The following WDPCP variants were observed in gnomAD, a reference collection of about 807,000 sequenced individuals.
The protein encoded by WDPCP is WD repeat-containing and planar cell polarity effector protein fritz homolog.
WDPCP carries 71 observed loss-of-function variants against 93.1 expected under a neutral mutation model. That is an observed-to-expected ratio of 0.76 (90% CI 0.63 to 0.93). WDPCP has a LOEUF of 0.93. WDPCP is among the 40% of genes least tolerant of loss of function. WDPCP has a pLI of 0.00. For missense variants in WDPCP, 844 were observed against 887.4 expected (o/e 0.95, Z 0.62); for synonymous variants, 315 against 315.0 (o/e 1.00, Z 0.00).
intron 12 of WDPCP, among the ~76,000 whole-genome samples, chr2:63,370,022 G>A (rs1437348604): frequency 3.3e-5 from 5 of 152,102 alleles, no homozygotes; most frequent in Non-Finnish European, 7.4e-5. Flanking sequence ...TATGAAAGGG[G>A]CTTTAAGGAA....
intron 16 of WDPCP, 72 bp from the exon 17 acceptor site, chr2:63,153,017 C>T: frequency 1.6e-6 from 2 of 1,248,410 alleles, no homozygotes; most frequent in Admixed American, 1.8e-5. Flanking sequence ...TTTTTTACAA[C>T]ACTAAAAACA....
At chr2:63,617,716 A>G (rs924247976) in intron 3 of WDPCP, among the ~76,000 whole-genome samples, 4 of 152,212 alleles carry the variant, frequency 2.6e-5, no homozygotes, top group Non-Finnish European at 4.4e-5. Context: ...TACCTTTACT[A>G]ATGAAAATTT....
chr2:63,234,068 G>A (rs568443530), intron 14 of WDPCP, among the ~76,000 whole-genome samples: 89 of 152,232 alleles, frequency 5.8e-4, no homozygotes, highest in African/African-American at 2.0e-3. Context: ...TGAGGTGGCC[G>A]TAACCATAAA....
intron 1 of WDPCP, among the ~76,000 whole-genome samples, chr2:63,821,937 A>G (rs1671024615): frequency 6.6e-6 from 1 of 152,154 alleles, no homozygotes; most frequent in Admixed American, 6.5e-5. Flanking sequence ...TTAACATAAG[A>G]CTAAAATATG....
At position 63,433,739 on chromosome 2, in the gene WDPCP, A is replaced by T; in HGVS notation, c.825+6T>A. 1 of 1,609,114 alleles carries T rather than the reference A, an allele frequency of 6.2e-7. No individual in the cohort carries two copies. On this transcript the variant is annotated splice_donor_region_variant and intron_variant, in intron 9 of 17. Transcript: ENST00000272321. ...ATTAAAATGTACATATTTGTTTTAG[A>T]TTTACCTCTAGTCTTCCTTGAGCAT...
At chr2:63,566,618 G>A (rs866058354) in intron 1 of WDPCP, among the ~76,000 whole-genome samples, 12 of 152,176 alleles carry the variant, frequency 7.9e-5, no homozygotes, top group Admixed American at 1.3e-4. Context: ...TCACACTTCT[G>A]ACACCAAATG....
At chr2:63,555,460 C>A (rs541282977) in intron 1 of WDPCP, among the ~76,000 whole-genome samples, 1 of 152,226 alleles carries the variant, frequency 6.6e-6, no homozygotes, top group Non-Finnish European at 1.5e-5. Flanking sequence ...GGATTCCCCC[C>A]AGTGCAGCAC....
chr2:63,233,157 A>T (rs1182084027), intron 14 of WDPCP: 1 of 155,070 alleles, frequency 6.4e-6, no homozygotes, highest in African/African-American at 2.4e-5. Context: ...TTCAAGGACA[A>T]CTACTTTTTT....
intron 1 of WDPCP, among the ~76,000 whole-genome samples, chr2:63,569,509 G>A (rs1575668013): frequency 6.6e-6 from 1 of 152,244 alleles, no homozygotes; most frequent in African/African-American, 2.4e-5. Flanking sequence ...AAATGGGAAA[G>A]CCCAAGGAAG....
At chr2:63,497,886 A>AG (rs1390871385) in intron 1 of WDPCP, among the ~76,000 whole-genome samples, 1 of 152,188 alleles carries the variant, frequency 6.6e-6, no homozygotes, top group Non-Finnish European at 1.5e-5. Flanking sequence ...CATTTTCAGA[A>AG]GGGGGTGCGG....
At chr2:63,223,419 A>G (rs1214300966) in intron 14 of WDPCP, among the ~76,000 whole-genome samples, 1 of 152,198 alleles carries the variant, frequency 6.6e-6, no homozygotes, top group Non-Finnish European at 1.5e-5. Context: ...GCACTCACAA[A>G]CTAGCCATTA....
intron 14 of WDPCP, among the ~76,000 whole-genome samples, chr2:63,247,924 C>T (rs1229249785): frequency 1.3e-5 from 2 of 151,602 alleles, no homozygotes; most frequent in Admixed American, 6.6e-5. Flanking sequence ...TGTACACACT[C>T]GATAGTTATT....
chr2:63,691,861 T>A lies in WDPCP; in HGVS notation n.309-41023A>T, dbSNP rs1457254262. 2.7e-5 allele frequency among the ~76,000 whole-genome samples: 4 copies of A among 148,584 alleles called. No homozygotes were observed. In the East Asian group the frequency reaches 7.7e-4, roughly 29 times the overall value. ...TGATCTATACAAGATTTTTAAAAAT[T>A]ATATACTACAAAGTGTGTGTGTGTG... On this transcript the variant is annotated intron_variant and non_coding_transcript_variant, in intron 2 of 4. Coordinates refer to the WDPCP transcript ENST00000467687.
At chr2:63,559,860 A>G (rs1706453964) in intron 1 of WDPCP, among the ~76,000 whole-genome samples, 2 of 152,220 alleles carry the variant, frequency 1.3e-5, no homozygotes, top group Non-Finnish European at 2.9e-5. Context: ...CATACTGCCC[A>G]AAGTAATTTA....
intron 2 of WDPCP, among the ~76,000 whole-genome samples, chr2:63,753,372 T>C (rs1669911099): frequency 6.6e-6 from 1 of 152,136 alleles, no homozygotes; most frequent in African/African-American, 2.4e-5. Context: ...GAGGTTGCAG[T>C]GAGCCAAGAT....
intron 6 of WDPCP, among the ~76,000 whole-genome samples, chr2:63,453,972 G>C (rs11694619): frequency 1.6e-5 from 2 of 122,790 alleles, no homozygotes; most frequent in Admixed American, 8.8e-5. Flanking sequence ...GGGAGGAGGG[G>C]GTAGGGATAG....
At chr2:63,323,209 T>A (rs922155252) in intron 12 of WDPCP, among the ~76,000 whole-genome samples, 1 of 152,208 alleles carries the variant, frequency 6.6e-6, no homozygotes, top group Non-Finnish European at 1.5e-5. Context: ...CATTGCCCCC[T>A]GGGTCCTAAC....
intron 2 of WDPCP, among the ~76,000 whole-genome samples, chr2:63,773,876 C>G (rs369557481): frequency 1.3e-5 from 2 of 152,114 alleles, no homozygotes; most frequent in South Asian, 2.1e-4. Context: ...TTGGCTGACT[C>G]TGAGCACACT....
rs1245049941 is a variant in WDPCP at position 63,566,321 on chromosome 2, G to A, written c.75+21876C>T. ...GGAAAAGCTAATTAGAAACTCAAAA[G>A]AATGTAACCATTTGTGTCTCACCTA... On this transcript the variant is annotated intron_variant, in intron 1 of 17. Coordinates refer to ENST00000272321, the MANE Select transcript of WDPCP (RefSeq NM_015910.7). Among the ~76,000 whole-genome samples the A allele has an allele frequency of 3.3e-5, 5 of 152,306 alleles. 1 individual carries two copies. The highest frequency in any genetic ancestry group is 2.6e-4 in the Admixed American group (4 of 15,302).
Sources: gnomAD v4.1 joint callset for allele counts (sites outside exome capture counted in the v4.1 genomes callset) on GRCh38, gnomAD v4.1.1 for gene constraint, MANE v1.5 for transcripts, NCBI Gene and HGNC (gene_info 2026-07-23, HGNC 2026-07-21) for gene names.